HS3ST3A1: variants seen among roughly 807,000 people sequenced by gnomAD.
HS3ST3A1 encodes the protein heparan sulfate-glucosamine 3-sulfotransferase 3A1.
HS3ST3A1 carries 19 observed loss-of-function variants against 25.7 expected under a neutral mutation model. The ratio of observed to expected loss-of-function variants is 0.74; its 90% CI spans 0.52 to 1.08. HS3ST3A1 has a LOEUF of 1.08. HS3ST3A1 is among the 50% of genes least tolerant of loss of function. HS3ST3A1 has a pLI of 0.00. For missense variants in HS3ST3A1, 459 were observed against 594.3 expected, an observed-to-expected ratio of 0.77 and a Z score of 2.37; for synonymous variants, 226 against 278.6, an observed-to-expected ratio of 0.81 and a Z score of 1.88.
At chr17:13,524,170 T>C (rs1906337345) in intron 1 of HS3ST3A1, among the ~76,000 whole-genome samples, 1 of 152,234 alleles carries the variant, frequency 6.6e-6, no homozygotes, top group African/African-American at 2.4e-5. Flanking sequence ...GCCAAGTATA[T>C]ACACATTTTA....
At chr17:13,524,482 G>T (rs1266208304) in intron 1 of HS3ST3A1, among the ~76,000 whole-genome samples, 1 of 152,130 alleles carries the variant, frequency 6.6e-6, no homozygotes, top group Non-Finnish European at 1.5e-5. Context: ...GAGGACTCTG[G>T]TGAGCTGCCT....
At chr17:13,592,220 T>C (rs3785691) in intron 1 of HS3ST3A1, among the ~76,000 whole-genome samples, 86,996 of 152,052 alleles carry the variant, frequency 0.57, 26,058 homozygotes, top group East Asian at 0.67. Context: ...AGTTCTATGA[T>C]CTTGGACAAG....
chr17:13,600,844 A>C lies in HS3ST3A1; in HGVS notation c.286T>G (p.Trp96Gly), dbSNP rs1908710565. ...QRKRLLQLPQ[W>G]RRRRPPAPRD... ...GGCGCGGGCGGCCGGCGCCTCCGCC[A>C]CTGCGGCAGTTGCAGGAGGCGCTTT... Residue 96 changes from tryptophan to glycine, a missense_variant, in exon 1 of 2, where the codon TGG (tryptophan) becomes GGG (glycine). This residue lies in a region of HS3ST3A1 where 346 missense variants were observed against 303.9 expected (regional missense o/e 1.14). Transcript: ENST00000284110. 7.0e-7 allele frequency: 1 copy of C among 1,429,456 alleles called. No individual in the cohort carries two copies. The highest frequency in any genetic ancestry group is 3.3e-5 in the Admixed American group (1 of 30,070). 88.5% of individuals were successfully genotyped at this position (1,429,456 alleles called of 1,614,324 possible).
At chr17:13,584,413 C>A (rs1908192496) in intron 1 of HS3ST3A1, among the ~76,000 whole-genome samples, 2 of 141,216 alleles carry the variant, frequency 1.4e-5, no homozygotes, top group Non-Finnish European at 3.0e-5. Flanking sequence ...AGAGCACAAC[C>A]TGCAATTTCC....
intron 1 of HS3ST3A1, among the ~76,000 whole-genome samples, chr17:13,532,178 C>G (rs1160444636): frequency 6.6e-6 from 1 of 152,158 alleles, no homozygotes; most frequent in Non-Finnish European, 1.5e-5. Context: ...TCTGGCAGTT[C>G]TGTTTCAGAT....
At position 13,601,064 on chromosome 17, in the gene HS3ST3A1, G is replaced by C. The variant is rs1239412775; in HGVS notation, c.66C>G (p.Phe22Leu). The change falls in exon 1 of 2, where the codon TTC (phenylalanine) becomes TTG (leucine). Residue 22 changes from phenylalanine to leucine, a missense_variant. Around this residue, in one of 3 missense-constraint regions of HS3ST3A1, gnomAD observed 346 missense variants for 303.9 expected, o/e 1.14. Transcript: ENST00000284110. ...AGCAGAGCATCAGCAAGAACTTCCG[G>C]AAGATGCTGCGGGACAGCGGCTCGG... ...TSAEPLSRSI[F>L]RKFLLMLCSL... 2 of 1,599,076 alleles carry C rather than the reference G, an allele frequency of 1.3e-6. No homozygotes were observed. Among genetic ancestry groups the C allele is most frequent in the Non-Finnish European group, 1.7e-6 (2 of 1,173,676 alleles).
intron 1 of HS3ST3A1, among the ~76,000 whole-genome samples, chr17:13,533,451 C>T (rs1473666050): frequency 7.0e-6 from 1 of 143,246 alleles, no homozygotes; most frequent in East Asian, 2.0e-4. Context: ...CAATGAGTTC[C>T]CAGACCTTTA....
At chr17:13,525,912 A>G (rs1906400241) in intron 1 of HS3ST3A1, among the ~76,000 whole-genome samples, 2 of 152,242 alleles carry the variant, frequency 1.3e-5, no homozygotes, top group Middle Eastern at 3.4e-3. Context: ...AGTCAAATAA[A>G]TATCCCAAGA....
chr17:13,515,386 G>A (rs1417471824), intron 1 of HS3ST3A1, among the ~76,000 whole-genome samples: 1 of 151,520 alleles, frequency 6.6e-6, no homozygotes, highest in African/African-American at 2.4e-5. Context: ...TCTTGAACTC[G>A]TGACCTCAGG....
At chr17:13,592,749 T>A (rs1031855952) in intron 1 of HS3ST3A1, among the ~76,000 whole-genome samples, 1 of 152,164 alleles carries the variant, frequency 6.6e-6, no homozygotes, top group Non-Finnish European at 1.5e-5. Flanking sequence ...GTTAAAAATA[T>A]CAGAGGAAAT....
chr17:13,508,471 T>G (rs187617323), intron 1 of HS3ST3A1, among the ~76,000 whole-genome samples: 10 of 152,326 alleles, frequency 6.6e-5, no homozygotes, highest in Non-Finnish European at 1.5e-4. Flanking sequence ...TCCTTTATGT[T>G]TCTGTTGGAT....
intron 1 of HS3ST3A1, among the ~76,000 whole-genome samples, chr17:13,512,437 T>C (rs191657464): frequency 7.9e-5 from 12 of 152,294 alleles, no homozygotes; most frequent in African/African-American, 2.9e-4. Flanking sequence ...GAGTGAGTGC[T>C]TAACAGGCAT....
At chr17:13,587,230 C>T (rs764716546) in intron 1 of HS3ST3A1, among the ~76,000 whole-genome samples, 4 of 151,816 alleles carry the variant, frequency 2.6e-5, no homozygotes, top group Non-Finnish European at 4.4e-5. Context: ...CTGAGGTGGG[C>T]GGATCACGAG....
intron 1 of HS3ST3A1, among the ~76,000 whole-genome samples, chr17:13,532,272 T>C (rs1006902872): frequency 2.0e-5 from 3 of 152,136 alleles, no homozygotes; most frequent in Non-Finnish European, 4.4e-5. Context: ...CCTTTACCAT[T>C]GCATTTGCAA....
chr17:13,598,863 G>A (rs1186567716), intron 1 of HS3ST3A1, among the ~76,000 whole-genome samples: 2 of 152,158 alleles, frequency 1.3e-5, no homozygotes, highest in African/African-American at 4.8e-5. Flanking sequence ...TATGGCAAAA[G>A]GAAAATAAAG....
chr17:13,600,736 T>G lies in HS3ST3A1; in HGVS notation c.394A>C (p.Thr132Pro). The G allele has an allele frequency of 6.5e-7, 1 of 1,536,376 alleles. No homozygotes were observed. Among genetic ancestry groups the G allele is most frequent in the Non-Finnish European group, 8.7e-7 (1 of 1,148,526 alleles). The part of the protein sequence containing the change: ...GGPGGSGAGS[T>P]VAEAPPGTLA... Reference sequence around the variant, plus strand: ...GTCCCCGGCGGGGCCTCGGCCACGGTGCTTCCGGCCCCGGAGCCGCCCGGA... The same window carrying G: ...GTCCCCGGCGGGGCCTCGGCCACGGGGCTTCCGGCCCCGGAGCCGCCCGGA... Residue 132 changes from threonine (T) to proline (P), a missense_variant, in exon 1 of 2, where the codon ACC becomes CCC. Physicochemically the swap from Thr to Pro is conservative, Grantham distance 38 (BLOSUM62 -1). Transcript: ENST00000284110.
chr17:13,504,793 A>T (rs1164481565), intron 1 of HS3ST3A1, among the ~76,000 whole-genome samples: 1 of 152,136 alleles, frequency 6.6e-6, no homozygotes, highest in Non-Finnish European at 1.5e-5. Flanking sequence ...GAGCTCATAT[A>T]CCTAGGAGTC....
chr17:13,494,529 C>A lies in HS3ST3A1; in HGVS notation c.*1668G>T, dbSNP rs1267379596. Among the ~76,000 whole-genome samples, 1 of 152,036 alleles carries A rather than the reference C, an allele frequency of 6.6e-6. No individual in the cohort carries two copies. The highest frequency in any genetic ancestry group is 1.9e-4 in the East Asian group (1 of 5,188). ...AACAACTTTAGTTTCTTTTGATTGA[C>A]AACATTAAAGAAGAAAAAGAATATT... On this transcript the variant is annotated 3_prime_UTR_variant, in exon 2 of 2. Transcript: ENST00000284110.
intron 1 of HS3ST3A1, among the ~76,000 whole-genome samples, chr17:13,599,035 CA>C (rs1908653010): frequency 1.3e-5 from 2 of 148,660 alleles, no homozygotes; most frequent in African/African-American, 2.5e-5. Context: ...GGTCTTTAAT[CA>C]CTTCTTTCTC....
Sources: gnomAD v4.1 joint callset for allele counts (sites outside exome capture counted in the v4.1 genomes callset) on GRCh38, gnomAD v4.1.1 for gene constraint, gnomAD v4.1.1 regional missense constraint, MANE v1.5 for transcripts, NCBI Gene and HGNC (gene_info 2026-07-23, HGNC 2026-07-21) for gene names.